ZC3H3: variants seen among roughly 807,000 people sequenced by gnomAD.
The protein encoded by ZC3H3 is zinc finger CCCH domain-containing protein 3.
In ZC3H3, 36 loss-of-function variants were observed where a neutral mutation model predicts 77.3. The ratio of observed to expected loss-of-function variants is 0.47; its 90% CI spans 0.36 to 0.61. The LOEUF is 0.61. Among genes scored for constraint, ZC3H3 ranks in the 20% least tolerant of loss-of-function variants. The probability of loss-of-function intolerance (pLI) is 0.00; values close to 1 mark genes in which losing one functional copy is unlikely to be tolerated. For missense variants in ZC3H3, 1,331 were observed against 1,312.2 expected (o/e 1.01, Z -0.22); for synonymous variants, 626 against 555.2 (o/e 1.13, Z -1.79).
rs1822554345 is a variant in ZC3H3, at chr8:143,530,117, C to T, written c.1561+6140G>A. Among the ~76,000 whole-genome samples the T allele has an allele frequency of 6.6e-6, 1 of 152,170 alleles. No individual in the cohort carries two copies. Among genetic ancestry groups the T allele is most frequent in the South Asian group, 2.1e-4 (1 of 4,830 alleles). ...GGCCAGAGGCAGATGCCCGGCCTGG[C>T]TCCTGTCAAAGCCTGGGCAGCCGGC... On this transcript the variant is annotated intron_variant, in intron 3 of 11. Transcript: ENST00000262577. This position sits in a 1 kb window ranked among gnomAD's most constrained non-coding sequence, Gnocchi z 4.3.
chr8:143,523,816 G>A (rs1007704649), intron 3 of ZC3H3, among the ~76,000 whole-genome samples: 1 of 152,222 alleles, frequency 6.6e-6, no homozygotes, highest in Non-Finnish European at 1.5e-5. Flanking sequence ...ACACTGAGAC[G>A]CAGCACAACG....
chr8:143,453,170 AG>A (rs1353144933), intron 9 of ZC3H3, among the ~76,000 whole-genome samples: 1 of 152,166 alleles, frequency 6.6e-6, no homozygotes, highest in African/African-American at 2.4e-5. Context: ...CTCGACCTCC[AG>A]GGCTCAAGCA....
At chr8:143,464,630 C>T (rs937003420) in intron 9 of ZC3H3, among the ~76,000 whole-genome samples, 2 of 152,214 alleles carry the variant, frequency 1.3e-5, no homozygotes, top group African/African-American at 2.4e-5. Flanking sequence ...GCTTCGGGCC[C>T]GGTGTCCTTG....
At chr8:143,485,136 C>T (rs983193504) in intron 4 of ZC3H3, among the ~76,000 whole-genome samples, 3 of 152,146 alleles carry the variant, frequency 2.0e-5, no homozygotes, top group Admixed American at 6.5e-5. Flanking sequence ...ACAGCAGGGG[C>T]GCCGGGCCAA....
chr8:143,479,359 T>C (rs1166153995), intron 4 of ZC3H3, among the ~76,000 whole-genome samples: 1 of 151,992 alleles, frequency 6.6e-6, no homozygotes, highest in African/African-American at 2.4e-5. Context: ...ACGAACTGCA[T>C]TGAGAAGGGG....
Position 143,533,805 on chromosome 8 carries a change from A to G in ZC3H3, c.1561+2452T>C, listed in dbSNP as rs1428221485. Among the ~76,000 whole-genome samples, 1 of 151,798 alleles carries G rather than the reference A, an allele frequency of 6.6e-6. No homozygotes were observed. The highest frequency in any genetic ancestry group is 1.5e-5 in the Non-Finnish European group (1 of 67,988). ...ATTCTCCTGCCTCAGCCTCCCGAGTAGATGGGATTACAGACGCTCGCCACC... is the reference window on the plus strand; with the variant it reads ...ATTCTCCTGCCTCAGCCTCCCGAGTGGATGGGATTACAGACGCTCGCCACC... On this transcript the variant is annotated intron_variant, in intron 3 of 11. Coordinates refer to ENST00000262577, the MANE Select transcript of ZC3H3 (RefSeq NM_015117.3). This position sits in a 1 kb window ranked among gnomAD's most constrained non-coding sequence, Gnocchi z 4.0.
chr8:143,478,841 C>T (rs189257934), intron 4 of ZC3H3, among the ~76,000 whole-genome samples: 60 of 152,360 alleles, frequency 3.9e-4, no homozygotes, highest in African/African-American at 1.4e-3. Context: ...TGAACATGAA[C>T]AATTAGCTTG....
chr8:143,498,786 G>GGGGGTACAGGGCGGGGCGGA (rs1821431246), intron 4 of ZC3H3, among the ~76,000 whole-genome samples: 1 of 128,098 alleles, frequency 7.8e-6, no homozygotes. Flanking sequence ...GGGCAGGGCA[G>GGGGGTACAGGGCGGGGCGGA]GGGGTACAGG....
chr8:143,446,653 A>G (rs1819868686), intron 9 of ZC3H3, among the ~76,000 whole-genome samples: 1 of 152,248 alleles, frequency 6.6e-6, no homozygotes, highest in Admixed American at 6.5e-5. Context: ...TAATCCTTCT[A>G]ATGGTCAAAA....
intron 1 of ZC3H3, 61 bp downstream of exon 1, chr8:143,541,315 G>C (rs930673860): frequency 3.1e-6 from 5 of 1,598,966 alleles, no homozygotes; most frequent in Non-Finnish European, 4.3e-6. Context: ...GGGGGCAGGG[G>C]ACCCGCCGCG....
At chr8:143,485,275 G>C (rs1314796549) in intron 4 of ZC3H3, among the ~76,000 whole-genome samples, 1 of 152,208 alleles carries the variant, frequency 6.6e-6, no homozygotes, top group Non-Finnish European at 1.5e-5. Flanking sequence ...GCAAATCTAT[G>C]ATTTGGAGGC....
At chr8:143,479,586 T>C (rs562863478) in intron 4 of ZC3H3, among the ~76,000 whole-genome samples, 1 of 152,218 alleles carries the variant, frequency 6.6e-6, no homozygotes, top group African/African-American at 2.4e-5. Context: ...AACAGTGCCT[T>C]AAGATAGTCT....
At chr8:143,501,802 G>A (rs1563863864) in intron 4 of ZC3H3, among the ~76,000 whole-genome samples, 1 of 152,202 alleles carries the variant, frequency 6.6e-6, no homozygotes, top group Non-Finnish European at 1.5e-5. Flanking sequence ...CCGGGGCGCG[G>A]GTGTTACGTT....
chr8:143,534,714 T>C (rs34935688), intron 3 of ZC3H3, among the ~76,000 whole-genome samples: 19,362 of 152,166 alleles, frequency 0.13, 1,441 homozygotes, highest in Admixed American at 0.2. Flanking sequence ...CACTCCCAGA[T>C]AAGCCCACGA....
chr8:143,527,411 G>A (rs1269085769), intron 3 of ZC3H3, among the ~76,000 whole-genome samples: 4 of 152,128 alleles, frequency 2.6e-5, no homozygotes, highest in Non-Finnish European at 5.9e-5. Flanking sequence ...TCCTGAGAAC[G>A]CCACCCTGCC....
At chr8:143,466,941 G>A (rs1432704291) in intron 8 of ZC3H3, among the ~76,000 whole-genome samples, 1 of 152,194 alleles carries the variant, frequency 6.6e-6, no homozygotes, top group Admixed American at 6.5e-5. Context: ...GGCAAGGTTG[G>A]GGATGGGAAA....
At chr8:143,519,141 G>A (rs1007758131) in intron 3 of ZC3H3, among the ~76,000 whole-genome samples, 2 of 152,226 alleles carry the variant, frequency 1.3e-5, no homozygotes, top group Non-Finnish European at 2.9e-5. Flanking sequence ...AGGGGTAGCA[G>A]CGAGTGTGCT....
chr8:143,499,462 G>A (rs1341317657), intron 4 of ZC3H3, among the ~76,000 whole-genome samples: 2 of 152,130 alleles, frequency 1.3e-5, no homozygotes, highest in Non-Finnish European at 2.9e-5. Context: ...CTAGACCTGC[G>A]CCCAGCCGGT....
At chr8:143,485,668 T>TA (rs908916399) in intron 4 of ZC3H3, among the ~76,000 whole-genome samples, 1 of 152,272 alleles carries the variant, frequency 6.6e-6, no homozygotes, top group African/African-American at 2.4e-5. Flanking sequence ...CATAAAAGGC[T>TA]AAAAAACCAG....
Sources: allele counts gnomAD v4.1 joint callset (sites outside exome capture counted in the v4.1 genomes callset), GRCh38; gene constraint gnomAD v4.1.1; non-coding constraint Gnocchi (gnomAD v3.1); transcripts MANE v1.5; gene names NCBI Gene and HGNC (gene_info 2026-07-23, HGNC 2026-07-21).